IREB2: variants seen among roughly 807,000 people sequenced by gnomAD.
IREB2 encodes the protein iron responsive element binding protein 2.
In IREB2, 39 loss-of-function variants were observed where a neutral mutation model predicts 118.8. The observed-to-expected ratio is 0.33, with a 90% CI of 0.25 to 0.43. IREB2 has a LOEUF of 0.43. Among genes scored for constraint, IREB2 ranks in the 20% least tolerant of loss-of-function variants. IREB2 has a pLI of 1.00. For missense variants in IREB2, 900 were observed against 1,147.3 expected (o/e 0.78, Z 3.11); for synonymous variants, 372 against 392.2 (o/e 0.95, Z 0.61).
chr15:78,475,084 A>G (rs918883362), intron 8 of IREB2: 2 of 151,358 alleles, frequency 1.3e-5, no homozygotes, highest in Non-Finnish European at 2.9e-5. Flanking sequence ...AAAAAAAAAA[A>G]AACCATAAAT....
chr15:78,476,572 A>G (rs2051475030), intron 9 of IREB2: 12 of 369,698 alleles, frequency 3.2e-5, no homozygotes, highest in Non-Finnish European at 5.9e-5. Context: ...ATTTAAAGGA[A>G]TTATTCAAAC....
intron 7 of IREB2, among the ~76,000 whole-genome samples, 191 bp from the exon 8 acceptor site, chr15:78,473,051 G>T (rs1441016114): frequency 6.6e-6 from 1 of 152,096 alleles, no homozygotes; most frequent in African/African-American, 2.4e-5. Context: ...TAAAATAATA[G>T]TTTTTCGACC....
chr15:78,462,366 A>T (rs571800721), intron 2 of IREB2, among the ~76,000 whole-genome samples: 37 of 152,348 alleles, frequency 2.4e-4, no homozygotes, highest in Admixed American at 1.8e-3. Context: ...TGAAAATTTT[A>T]AAATATTGAA....
At position 78,439,791 on chromosome 15, in the gene IREB2, T is replaced by C. The variant is rs767253536; in HGVS notation, c.20-4T>C. On this transcript the variant is annotated splice_polypyrimidine_tract_variant and splice_region_variant and intron_variant, in intron 1 of 21. Transcript: ENST00000258886. ...ATTTAATGAAAATACAATTTTTTTT[T>C]CAGGATACGCCTTTGAGTACCTTAT... 2.8e-5 allele frequency: 43 copies of C among 1,542,094 alleles called. No individual in the cohort carries two copies. Among genetic ancestry groups the C allele is most frequent in the African/African-American group, 6.9e-5 (5 of 72,280 alleles).
intron 2 of IREB2, among the ~76,000 whole-genome samples, chr15:78,456,316 T>G (rs2051104570): frequency 6.6e-6 from 1 of 152,116 alleles, no homozygotes; most frequent in African/African-American, 2.4e-5. Flanking sequence ...TTTTACAAAT[T>G]TAGACAAATT....
chr15:78,463,042 T>G lies in IREB2; in HGVS notation c.227T>G (p.Val76Gly). ...GACTGGAAAACCAAACAAAGCAATG[T>G]TGAAGTGCCCTTTTTCCCTGCCCGT... ...ILDWKTKQSN[V>G]EVPFFPARVL... Residue 76 changes from valine to glycine, a missense_variant, in exon 3 of 22, where the codon GTT (valine) becomes GGT (glycine). Transcript: ENST00000258886. 5 of 1,610,620 alleles carry G rather than the reference T, an allele frequency of 3.1e-6. No individual in the cohort carries two copies. Among genetic ancestry groups the G allele is most frequent in the Non-Finnish European group, 4.2e-6 (5 of 1,179,178 alleles).
Position 78,500,801 on chromosome 15 carries a change from ATTTTG to A in IREB2, c.*2663_*2667del, listed in dbSNP as rs1179463895. 1 of 152,198 alleles carries A rather than the reference ATTTTG, an allele frequency of 6.6e-6. No individual in the cohort carries two copies. Among genetic ancestry groups the A allele is most frequent in the African/African-American group, 2.4e-5 (1 of 41,458 alleles). 9.4% of individuals were successfully genotyped at this position (152,198 alleles called of 1,614,324 possible). ...AGTTTCTAAGATGACAGTTATCACT[ATTTTG>A]TTTTATCTCCATGCTGACATTTGAA... On this transcript the variant is annotated 3_prime_UTR_variant, in exon 22 of 22. Transcript: ENST00000258886.
upstream of IREB2, chr15:78,438,103 C>T: frequency 1.8e-6 from 1 of 556,078 alleles, no homozygotes; most frequent in South Asian, 2.2e-5. Context: ...TTCTGGTTAG[C>T]TCCGCCCCTT....
chr15:78,471,112 A>G (rs2051369746), intron 6 of IREB2, among the ~76,000 whole-genome samples: 2 of 151,856 alleles, frequency 1.3e-5, no homozygotes, highest in Admixed American at 1.3e-4. Flanking sequence ...CTTGGGTTCA[A>G]GCGATTCTTG....
chr15:78,461,672 G>T (rs544671682), intron 2 of IREB2, among the ~76,000 whole-genome samples: 4 of 151,916 alleles, frequency 2.6e-5, no homozygotes, highest in East Asian at 1.9e-4. Context: ...CCTCCTCCTC[G>T]CCCCCCTCCA....
Position 78,490,523 on chromosome 15 carries a change from AC to A in IREB2, c.2179del (p.Thr728ProfsTer44). ...YIRCPSFFDK[L>X]TKEPIALQAI... is the part of the protein sequence containing the mutation. ...TCAGATGCCCTTCATTTTTTGATAA[AC>A]TTGTAAGTACTGTTTTACTATTTGA... On this transcript the variant is annotated frameshift_variant and splice_region_variant, in exon 17 of 22. Coordinates refer to ENST00000258886, the MANE Select transcript of IREB2 (RefSeq NM_004136.4). LOFTEE classifies it high-confidence loss of function. 6.2e-7 allele frequency: 1 copy of A among 1,600,812 alleles called. No individual in the cohort carries two copies. The highest frequency in any genetic ancestry group is 8.5e-7 in the Non-Finnish European group (1 of 1,174,694).
chr15:78,446,891 C>CGGT (rs1555448776), intron 2 of IREB2, among the ~76,000 whole-genome samples: 1 of 151,648 alleles, frequency 6.6e-6, no homozygotes, highest in Non-Finnish European at 1.5e-5. Flanking sequence ...ACATGCTTAC[C>CGGT]AGTGAATGAG....
rs751431184 is a variant in IREB2 at position 78,476,063 on chromosome 15, A to G, written c.1024-125A>G. 1.7e-4 allele frequency: 103 copies of G among 596,062 alleles called. 1 individual carries two copies. Among genetic ancestry groups the G allele is most frequent in the East Asian group, 2.8e-5 (1 of 36,000 alleles). 36.9% of individuals were successfully genotyped at this position (596,062 alleles called of 1,614,324 possible). ...CAGAATGAGTTGATTCATAAGGACA[A>G]TGAAGGATCTCATTCCTTCACCATC... On this transcript the variant is annotated intron_variant, in intron 8 of 21. Transcript: ENST00000258886.
intron 2 of IREB2, among the ~76,000 whole-genome samples, chr15:78,445,197 G>A (rs1037659415): frequency 6.6e-6 from 1 of 151,224 alleles, no homozygotes; most frequent in East Asian, 1.9e-4. Flanking sequence ...GAGTGCAGTG[G>A]CACAGTCTCA....
chr15:78,480,664 G>A (rs1201252244), intron 10 of IREB2, among the ~76,000 whole-genome samples: 15 of 127,878 alleles, frequency 1.2e-4, no homozygotes, highest in African/African-American at 4.4e-4. Context: ...ATTTCAGCCT[G>A]GGCAACAGAA....
chr15:78,463,962 G>A (rs1472671611), intron 3 of IREB2, among the ~76,000 whole-genome samples: 1 of 152,232 alleles, frequency 6.6e-6, no homozygotes, highest in Non-Finnish European at 1.5e-5. Flanking sequence ...CTAGGAGTTA[G>A]CCTTGATTTT....
intron 15 of IREB2, 139 bp downstream of exon 15, chr15:78,488,475 C>A (rs1416120670): frequency 2.0e-6 from 2 of 982,474 alleles, no homozygotes; most frequent in Non-Finnish European, 2.9e-6. Context: ...TTATTAATTT[C>A]TGTGTTTATG....
intron 14 of IREB2, 110 bp downstream of exon 14, chr15:78,487,927 C>G (rs2051688155): frequency 1.4e-6 from 1 of 721,486 alleles, no homozygotes; most frequent in South Asian, 2.0e-5. Flanking sequence ...AACTCTGCAC[C>G]TCTTGGCAAT....
Position 78,484,935 on chromosome 15 carries a change from A to T in IREB2, c.1573+15A>T. On this transcript the variant is annotated intron_variant, in intron 12 of 21. Transcript: ENST00000258886. ...GCTTGCTGCAGGTGGGTTGTGGTTT[A>T]TGGCCATACTTTTTCTTTTTCCTTA... 1 of 1,600,472 alleles carries T rather than the reference A, an allele frequency of 6.2e-7. No individual in the cohort carries two copies. The highest frequency in any genetic ancestry group is 8.5e-7 in the Non-Finnish European group (1 of 1,174,156).
Sources: allele counts gnomAD v4.1 joint callset (sites outside exome capture counted in the v4.1 genomes callset), GRCh38; gene constraint gnomAD v4.1.1; transcripts MANE v1.5; gene names NCBI Gene and HGNC (gene_info 2026-07-23, HGNC 2026-07-21).